EXT1: variants seen among roughly 807,000 people sequenced by gnomAD.
The protein encoded by EXT1 is exostosin glycosyltransferase 1.
EXT1 carries 20 observed loss-of-function variants against 82.5 expected under a neutral mutation model. The ratio of observed to expected loss-of-function variants is 0.24; its 90% CI spans 0.17 to 0.35. The LOEUF (loss-of-function observed/expected upper bound fraction) is 0.35. Ranked by LOEUF, EXT1 falls within the 10% of genes least tolerant of loss-of-function variation. The pLI is 1.00. For synonymous variants in EXT1, 348 were observed against 350.8 expected, an observed-to-expected ratio of 0.99 and a Z score of 0.09; for missense variants, 757 against 936.5, an observed-to-expected ratio of 0.81 and a Z score of 2.50.
intron 1 of EXT1, among the ~76,000 whole-genome samples, chr8:118,063,541 A>G (rs1453584645): frequency 6.6e-6 from 1 of 152,218 alleles, no homozygotes; most frequent in African/African-American, 2.4e-5. Flanking sequence ...ATTCACTAAC[A>G]TACCTGCCAC....
chr8:117,834,823 T>C (rs1211133038), intron 3 of EXT1, among the ~76,000 whole-genome samples: 3 of 152,096 alleles, frequency 2.0e-5, no homozygotes, highest in East Asian at 1.9e-4. Context: ...AATATGAATA[T>C]ACAAAGGGCT....
At chr8:117,976,152 A>G (rs997711108) in intron 1 of EXT1, among the ~76,000 whole-genome samples, 4 of 152,348 alleles carry the variant, frequency 2.6e-5, no homozygotes, top group Non-Finnish European at 4.4e-5. Flanking sequence ...TTCTCTATCA[A>G]TGAAAAATAC....
intron 9 of EXT1, among the ~76,000 whole-genome samples, chr8:117,806,306 CCT>C (rs761303370): frequency 3.9e-5 from 6 of 152,328 alleles, no homozygotes; most frequent in Middle Eastern, 3.4e-3. Flanking sequence ...GTCCTCCTCC[CCT>C]GTCACTTAGA....
At chr8:118,061,204 C>T (rs1207877870) in intron 1 of EXT1, among the ~76,000 whole-genome samples, 1 of 152,206 alleles carries the variant, frequency 6.6e-6, no homozygotes, top group African/African-American at 2.4e-5. Flanking sequence ...GGCTCAGTGG[C>T]TGGCACACCC....
chr8:118,018,393 A>C (rs577576485), intron 1 of EXT1, among the ~76,000 whole-genome samples: 1 of 152,330 alleles, frequency 6.6e-6, no homozygotes, highest in South Asian at 2.1e-4. Context: ...ATAAAGCCAG[A>C]AACACCAAAG....
At chr8:117,800,476 G>A (rs1278048130) in intron 10 of EXT1, among the ~76,000 whole-genome samples, 1 of 152,180 alleles carries the variant, frequency 6.6e-6, no homozygotes, top group East Asian at 1.9e-4. Flanking sequence ...TGTCACTCAA[G>A]GCTAGTGTTA....
intron 4 of EXT1, among the ~76,000 whole-genome samples, chr8:117,824,994 G>A (rs17474504): frequency 0.015 from 2,333 of 152,168 alleles, 75 homozygotes; most frequent in African/African-American, 0.053. Flanking sequence ...AGCCTCCTGA[G>A]TAGCTGGGAC....
intron 1 of EXT1, among the ~76,000 whole-genome samples, chr8:118,001,589 A>T (rs1743093606): frequency 6.6e-6 from 1 of 152,158 alleles, no homozygotes; most frequent in African/African-American, 2.4e-5. Flanking sequence ...TGTGAAATGT[A>T]CAAAAATAAG....
chr8:117,940,282 G>A (rs915928206), intron 1 of EXT1, among the ~76,000 whole-genome samples: 1 of 152,226 alleles, frequency 6.6e-6, no homozygotes, highest in Non-Finnish European at 1.5e-5. Context: ...AGATGATGTA[G>A]ACTGACATCC....
intron 1 of EXT1, among the ~76,000 whole-genome samples, chr8:117,875,079 T>C (rs1006716643): frequency 6.6e-6 from 1 of 152,174 alleles, no homozygotes; most frequent in Non-Finnish European, 1.5e-5. Flanking sequence ...CTCTGTGAGT[T>C]GATATGAAGG....
chr8:118,065,206 T>G (rs1016781516), intron 1 of EXT1, among the ~76,000 whole-genome samples: 13 of 152,154 alleles, frequency 8.5e-5, no homozygotes, highest in Admixed American at 1.3e-4. Flanking sequence ...GGTATCTCAT[T>G]GTGGTTCTGC....
At chr8:117,926,671 A>G (rs1813958193) in intron 1 of EXT1, among the ~76,000 whole-genome samples, 1 of 152,214 alleles carries the variant, frequency 6.6e-6, no homozygotes, top group Non-Finnish European at 1.5e-5. Context: ...CCGAAGCCAC[A>G]TAGCGGATGA....
intron 1 of EXT1, among the ~76,000 whole-genome samples, chr8:117,950,911 T>C (rs550105433): frequency 6.6e-6 from 1 of 151,200 alleles, no homozygotes; most frequent in East Asian, 1.9e-4. Flanking sequence ...GAAACAAAAA[T>C]TTTTTTTTTA....
At chr8:117,963,187 G>C (rs190377479) in intron 1 of EXT1, among the ~76,000 whole-genome samples, 29 of 152,294 alleles carry the variant, frequency 1.9e-4, no homozygotes, top group Non-Finnish European at 3.5e-4. Context: ...AGTGGAGGTC[G>C]TTAGGGCAGG....
At chr8:118,042,068 G>A (rs763114730) in intron 1 of EXT1, among the ~76,000 whole-genome samples, 3 of 152,090 alleles carry the variant, frequency 2.0e-5, no homozygotes, top group Admixed American at 6.6e-5. Context: ...GGACCCCCTC[G>A]TACCCCCATC....
chr8:118,108,890 A>G (rs1458912184), intron 1 of EXT1, among the ~76,000 whole-genome samples: 2 of 152,110 alleles, frequency 1.3e-5, no homozygotes, highest in East Asian at 3.9e-4. Flanking sequence ...AAATCTGCCA[A>G]CCTCTGCCAG....
chr8:117,961,179 C>CT (rs1186929370), intron 1 of EXT1, among the ~76,000 whole-genome samples: 33 of 150,436 alleles, frequency 2.2e-4, no homozygotes, highest in African/African-American at 3.9e-4. Flanking sequence ...CTCTCTCTTT[C>CT]TTTTTTTTTA....
intron 1 of EXT1, among the ~76,000 whole-genome samples, chr8:117,853,071 T>C (rs1812482930): frequency 6.6e-6 from 1 of 152,180 alleles, no homozygotes; most frequent in African/African-American, 2.4e-5. Context: ...TGAGCAGTGC[T>C]GACAGTAGAT....
intron 1 of EXT1, among the ~76,000 whole-genome samples, chr8:117,999,082 C>T (rs1470948226): frequency 6.6e-6 from 1 of 152,082 alleles, no homozygotes; most frequent in African/African-American, 2.4e-5. Context: ...ACTAGGAGTG[C>T]CATCATTTAT....
Sources: allele counts gnomAD v4.1 joint callset (sites outside exome capture counted in the v4.1 genomes callset), GRCh38; gene constraint gnomAD v4.1.1; transcripts MANE v1.5; gene names NCBI Gene and HGNC (gene_info 2026-07-23, HGNC 2026-07-21).